RBFOX1: variants seen among roughly 807,000 people sequenced by gnomAD.
The protein encoded by RBFOX1 is RNA binding protein fox-1 homolog 1.
RBFOX1 carries 8 observed loss-of-function variants against 57.7 expected under a neutral mutation model. The ratio of observed to expected loss-of-function variants is 0.14; its 90% confidence interval spans 0.08 to 0.25. The LOEUF is 0.25. Ranked by LOEUF, RBFOX1 falls within the 10% of genes least tolerant of loss-of-function variation. RBFOX1 has a pLI of 1.00. For missense variants in RBFOX1, 611 were observed against 548.5 expected (o/e 1.11, Z -1.14); for synonymous variants, 326 against 222.4 (o/e 1.47, Z -4.15).
At chr16:5,937,474 A>T (rs553471011) in intron 4 of RBFOX1, among the ~76,000 whole-genome samples, 1 of 152,226 alleles carries the variant, frequency 6.6e-6, no homozygotes, top group South Asian at 2.1e-4. Context: ...CCCCTGGAAT[A>T]AGCAGGAATT....
rs984752517 is a variant in RBFOX1 at position 5,353,303 on chromosome 16, G to A, written c.219+113198G>A. Among the ~76,000 whole-genome samples the A allele has an allele frequency of 4.6e-5, 7 of 151,954 alleles. 1 individual carries two copies. The highest frequency in any genetic ancestry group is 3.3e-4 in the Admixed American group (5 of 15,252). ...TGAGCCAGGAGTATTGCTTGAGCCC[G>A]GGAGGCAGAGGTTGCAGTGAGGCAA... On this transcript the variant is annotated intron_variant, in intron 1 of 2. Coordinates refer to the RBFOX1 transcript ENST00000585867.
intron 1 of RBFOX1, among the ~76,000 whole-genome samples, chr16:5,380,955 A>C (rs1369205497): frequency 1.3e-5 from 2 of 152,244 alleles, no homozygotes; most frequent in African/African-American, 4.8e-5. Context: ...GGCACTGCCC[A>C]TCACTTGAGG....
At chr16:5,737,793 T>C (rs1355255092) in intron 3 of RBFOX1, among the ~76,000 whole-genome samples, 1 of 152,174 alleles carries the variant, frequency 6.6e-6, no homozygotes, top group African/African-American at 2.4e-5. Flanking sequence ...GAGTAATGTC[T>C]GAATTATATC....
At chr16:5,862,331 T>C (rs1439278678) in intron 3 of RBFOX1, among the ~76,000 whole-genome samples, 5 of 152,100 alleles carry the variant, frequency 3.3e-5, no homozygotes, top group Non-Finnish European at 7.4e-5. Context: ...TGGTGTGTCA[T>C]TTGCTGGTGG....
chr16:7,461,343 T>G (rs960053103), intron 4 of RBFOX1, among the ~76,000 whole-genome samples: 2 of 152,076 alleles, frequency 1.3e-5, no homozygotes, highest in African/African-American at 2.4e-5. Context: ...AATTTTTGTA[T>G]TTTTAGTGAA....
At chr16:6,464,908 C>A (rs748822131) in intron 2 of RBFOX1, among the ~76,000 whole-genome samples, 1 of 152,336 alleles carries the variant, frequency 6.6e-6, no homozygotes, top group East Asian at 1.9e-4. Context: ...ACAGAGATCC[C>A]GGGGGCAATT....
At chr16:6,256,581 A>G (rs769176814) in intron 1 of RBFOX1, among the ~76,000 whole-genome samples, 3 of 152,028 alleles carry the variant, frequency 2.0e-5, no homozygotes, top group Non-Finnish European at 2.9e-5. Context: ...TTAAACCGAT[A>G]TAATCAATAT....
intron 4 of RBFOX1, among the ~76,000 whole-genome samples, chr16:7,124,969 A>G (rs2068121159): frequency 6.6e-6 from 1 of 152,150 alleles, no homozygotes; most frequent in African/African-American, 2.4e-5. Context: ...ACAGGACTGG[A>G]AAGTATGTGT....
chr16:5,911,666 G>C (rs896309344), intron 4 of RBFOX1, among the ~76,000 whole-genome samples: 7 of 152,162 alleles, frequency 4.6e-5, no homozygotes, highest in African/African-American at 1.7e-4. Context: ...CTAAACAGCA[G>C]AGATTTATTT....
chr16:6,837,930 G>T (rs1002921343), intron 3 of RBFOX1, among the ~76,000 whole-genome samples: 3 of 151,726 alleles, frequency 2.0e-5, no homozygotes, highest in African/African-American at 7.3e-5. Context: ...GGCAACAGCA[G>T]GAAGTTACCA....
intron 1 of RBFOX1, among the ~76,000 whole-genome samples, chr16:6,065,150 C>G (rs181224888): frequency 1.4e-3 from 209 of 151,892 alleles, no homozygotes; most frequent in Middle Eastern, 0.01. Flanking sequence ...ACCTCATCCC[C>G]CAGAGTGGCT....
intron 2 of RBFOX1, among the ~76,000 whole-genome samples, chr16:5,546,276 C>T (rs1219552606): frequency 6.6e-6 from 1 of 152,112 alleles, no homozygotes; most frequent in East Asian, 1.9e-4. Flanking sequence ...CAGTCCAAAC[C>T]AGAATCTCAT....
At chr16:6,953,579 G>T (rs1291638621) in intron 3 of RBFOX1, among the ~76,000 whole-genome samples, 2 of 152,066 alleles carry the variant, frequency 1.3e-5, no homozygotes, top group Non-Finnish European at 2.9e-5. Flanking sequence ...TAGAGATGGG[G>T]TTTTGCCATG....
At chr16:6,712,571 G>C (rs960308592) in intron 3 of RBFOX1, among the ~76,000 whole-genome samples, 2 of 152,116 alleles carry the variant, frequency 1.3e-5, no homozygotes, top group Admixed American at 6.6e-5. Flanking sequence ...CCAAGCTTCA[G>C]TCCAATGTCA....
intron 3 of RBFOX1, among the ~76,000 whole-genome samples, chr16:5,650,237 G>A (rs1237034424): frequency 6.6e-6 from 1 of 152,130 alleles, no homozygotes; most frequent in Non-Finnish European, 1.5e-5. Flanking sequence ...TTGGGCCAGA[G>A]AGGCTGACTC....
At chr16:6,529,943 C>T (rs1269748755) in intron 2 of RBFOX1, among the ~76,000 whole-genome samples, 1 of 152,132 alleles carries the variant, frequency 6.6e-6, no homozygotes, top group Non-Finnish European at 1.5e-5. Context: ...TCCCCTTCCC[C>T]TAGAAATAAC....
intron 4 of RBFOX1, among the ~76,000 whole-genome samples, chr16:5,994,572 T>C (rs1461134604): frequency 2.0e-5 from 3 of 152,188 alleles, no homozygotes; most frequent in Non-Finnish European, 4.4e-5. Context: ...CTTGGCAAGG[T>C]TCAGAGAATA....
intron 4 of RBFOX1, among the ~76,000 whole-genome samples, chr16:7,238,818 G>T (rs932621773): frequency 1.3e-5 from 2 of 152,148 alleles, no homozygotes; most frequent in Non-Finnish European, 2.9e-5. Flanking sequence ...AGAGACCCCA[G>T]TGTGTGTTGT....
intron 1 of RBFOX1, among the ~76,000 whole-genome samples, chr16:6,065,964 G>A (rs1267304213): frequency 6.6e-6 from 1 of 152,162 alleles, no homozygotes; most frequent in African/African-American, 2.4e-5. Context: ...AGTGCGCTAA[G>A]CATGAGATCT....
Sources: allele counts gnomAD v4.1 joint callset (sites outside exome capture counted in the v4.1 genomes callset), GRCh38; gene constraint gnomAD v4.1.1; transcripts MANE v1.5; gene names NCBI Gene and HGNC (gene_info 2026-07-23, HGNC 2026-07-21).